The following EGFLAM variants were observed in gnomAD, a reference collection of about 807,000 sequenced individuals.
EGFLAM encodes pikachurin.
Under a neutral mutation model 113.1 loss-of-function variants are expected in EGFLAM, and 79 were observed. That is an observed-to-expected ratio of 0.70 (90% CI 0.58 to 0.84). EGFLAM has a LOEUF of 0.84. EGFLAM is among the 40% of genes least tolerant of loss of function. The pLI is 0.00. For synonymous variants in EGFLAM, 504 were observed against 487.6 expected, an observed-to-expected ratio of 1.03 and a Z score of -0.44; for missense variants, 1,265 against 1,291.6, an observed-to-expected ratio of 0.98 and a Z score of 0.32.
chr5:38,293,407 T>C, intron 1 of EGFLAM, among the ~76,000 whole-genome samples: 1 of 152,232 alleles, frequency 6.6e-6, no homozygotes, highest in East Asian at 1.9e-4. Flanking sequence ...ATGTGCATTG[T>C]ATAAATTTTA....
intron 6 of EGFLAM, among the ~76,000 whole-genome samples, chr5:38,388,414 A>G (rs1336570320): frequency 1.3e-5 from 2 of 152,032 alleles, no homozygotes; most frequent in African/African-American, 2.4e-5. Flanking sequence ...GAGCCCGGAA[A>G]TTCAAGACCA....
chr5:38,442,509 T>C (rs899290701), intron 17 of EGFLAM, among the ~76,000 whole-genome samples: 23 of 151,660 alleles, frequency 1.5e-4, no homozygotes, highest in East Asian at 3.9e-4. Flanking sequence ...ATTTAATTAT[T>C]GTTACACAAG....
At chr5:38,285,536 A>T (rs142753194) in intron 1 of EGFLAM, among the ~76,000 whole-genome samples, 2 of 152,254 alleles carry the variant, frequency 1.3e-5, no homozygotes, top group East Asian at 3.9e-4. Context: ...AGCCCAAGCT[A>T]CCTTCAGGGT....
chr5:38,434,780 G>T (rs1156672238), intron 15 of EGFLAM, among the ~76,000 whole-genome samples: 1 of 152,194 alleles, frequency 6.6e-6, no homozygotes, highest in Non-Finnish European at 1.5e-5. Context: ...AGTCACACAA[G>T]CTCATCTGAG....
intron 6 of EGFLAM, among the ~76,000 whole-genome samples, chr5:38,382,238 C>A (rs6887733): frequency 0.049 from 7,368 of 151,910 alleles, 625 homozygotes; most frequent in African/African-American, 0.17. Flanking sequence ...TTTTTTAATC[C>A]AATGATGAAA....
At chr5:38,291,373 A>C (rs1758327711) in intron 1 of EGFLAM, among the ~76,000 whole-genome samples, 1 of 152,022 alleles carries the variant, frequency 6.6e-6, no homozygotes, top group African/African-American at 2.4e-5. Context: ...TGGGGAGGAG[A>C]AGGTTTTCTG....
intron 1 of EGFLAM, among the ~76,000 whole-genome samples, chr5:38,327,307 G>C (rs1007242431): frequency 6.6e-6 from 1 of 152,096 alleles, no homozygotes. Flanking sequence ...AAGGAGTGTG[G>C]TTATACCCAC....
At chr5:38,334,974 T>G (rs1203766380) in intron 1 of EGFLAM, among the ~76,000 whole-genome samples, 1 of 152,198 alleles carries the variant, frequency 6.6e-6, no homozygotes, top group Non-Finnish European at 1.5e-5. Context: ...GGAGTACTAC[T>G]GTCATTTAGT....
intron 5 of EGFLAM, among the ~76,000 whole-genome samples, chr5:38,360,748 T>C (rs1289403007): frequency 6.6e-6 from 1 of 152,228 alleles, no homozygotes. Context: ...TATTCCTACA[T>C]GGCTTACTCG....
intron 6 of EGFLAM, among the ~76,000 whole-genome samples, chr5:38,373,346 T>C (rs1443801000): frequency 6.6e-6 from 1 of 152,204 alleles, no homozygotes; most frequent in Non-Finnish European, 1.5e-5. Flanking sequence ...GCTTCTAGTG[T>C]ACCCATCACC....
At chr5:38,309,537 C>T (rs148941123) in intron 1 of EGFLAM, among the ~76,000 whole-genome samples, 1 of 152,110 alleles carries the variant, frequency 6.6e-6, no homozygotes, top group African/African-American at 2.4e-5. Flanking sequence ...ATTGCTCTGC[C>T]CTCTCTCTCC....
intron 18 of EGFLAM, among the ~76,000 whole-genome samples, chr5:38,450,672 A>T (rs16903974): frequency 1.3e-5 from 2 of 152,232 alleles, no homozygotes; most frequent in African/African-American, 4.8e-5. Flanking sequence ...TGCTAAGAGC[A>T]TGTCAGCCTG....
Position 38,283,289 on chromosome 5 carries a change from GA to G in EGFLAM, c.97+24442del, listed in dbSNP as rs1048721807. 1.4e-4 allele frequency among the ~76,000 whole-genome samples: 21 copies of G among 152,254 alleles called. 1 individual carries two copies. Among genetic ancestry groups the G allele is most frequent in the South Asian group, 4.1e-4 (2 of 4,822 alleles). ...CAACAATTACTGGAGGGGGAGGGGG[GA>G]AAAGCTTTATTCATTTGTGCTGAGA... On this transcript the variant is annotated intron_variant, in intron 1 of 21. Transcript: ENST00000322350.
At chr5:38,355,859 C>T (rs1215193521) in intron 5 of EGFLAM, among the ~76,000 whole-genome samples, 1 of 152,182 alleles carries the variant, frequency 6.6e-6, no homozygotes, top group Non-Finnish European at 1.5e-5. Context: ...CTCCCAAGTT[C>T]AAGTGATTCT....
At chr5:38,426,737 C>T (rs1742021689) in intron 13 of EGFLAM, among the ~76,000 whole-genome samples, 1 of 152,134 alleles carries the variant, frequency 6.6e-6, no homozygotes, top group African/African-American at 2.4e-5. Flanking sequence ...GCCTTAGAGT[C>T]CTCCACTGAT....
chr5:38,400,415 T>A (rs17425784), intron 6 of EGFLAM, among the ~76,000 whole-genome samples: 1 of 152,178 alleles, frequency 6.6e-6, no homozygotes, highest in Non-Finnish European at 1.5e-5. Flanking sequence ...TTTAATGTTC[T>A]CTTTTCCTAA....
chr5:38,283,925 T>A (rs1380307271), intron 1 of EGFLAM: 2 of 152,260 alleles, frequency 1.3e-5, no homozygotes, highest in Non-Finnish European at 2.9e-5. Flanking sequence ...AAACCTACCT[T>A]CTCAGCTCTT....
chr5:38,372,358 G>A (rs1336796591), intron 6 of EGFLAM, among the ~76,000 whole-genome samples: 1 of 152,072 alleles, frequency 6.6e-6, no homozygotes, highest in African/African-American at 2.4e-5. Context: ...GGCCAGGCTG[G>A]TCTCTTTGGC....
intron 1 of EGFLAM, among the ~76,000 whole-genome samples, chr5:38,275,060 G>T (rs544512394): frequency 6.6e-6 from 1 of 151,970 alleles, no homozygotes; most frequent in African/African-American, 2.4e-5. Flanking sequence ...TGTAAGACTC[G>T]TGGTAACCAC....
Sources: allele counts gnomAD v4.1 joint callset (sites outside exome capture counted in the v4.1 genomes callset), GRCh38; gene constraint gnomAD v4.1.1; transcripts MANE v1.5; gene names NCBI Gene and HGNC (gene_info 2026-07-23, HGNC 2026-07-21).